LNX2: variants seen among roughly 807,000 people sequenced by gnomAD.
LNX2 encodes the protein ligand of numb-protein X 2.
LNX2 carries 35 observed loss-of-function variants against 66.2 expected under a neutral mutation model. The observed-to-expected ratio is 0.53, with a 90% CI of 0.40 to 0.70. The LOEUF is 0.70. Among genes scored for constraint, LNX2 ranks in the 30% least tolerant of loss-of-function variants. LNX2 has a pLI of 0.00. For missense variants in LNX2, 791 were observed against 850.8 expected, an observed-to-expected ratio of 0.93 and a Z score of 0.87; for synonymous variants, 337 against 315.6, an observed-to-expected ratio of 1.07 and a Z score of -0.72.
chr13:27,583,261 C>CGCGCGCGCGCGCGCGCGCGT lies in LNX2; in HGVS notation c.-100-1459_-100-1458insACGCGCGCGCGCGCGCGCGC, dbSNP rs11281345. ...GTGTGTGTGTGTGTGTGTGTGCGCGCGTCCTCTCCAACATACTTATTTTTA... is the reference window on the plus strand; with the variant it reads ...GTGTGTGTGTGTGTGTGTGTGCGCGCGCGCGCGCGCGCGCGCGCGTGTCCTCTCCAACATACTTATTTTTA... On this transcript the variant is annotated intron_variant, in intron 1 of 9. Transcript: ENST00000316334. Among the ~76,000 whole-genome samples, 95 of 45,480 alleles carry CGCGCGCGCGCGCGCGCGCGT rather than the reference C, an allele frequency of 2.1e-3. 23 individuals are homozygous for CGCGCGCGCGCGCGCGCGCGT. Among genetic ancestry groups the CGCGCGCGCGCGCGCGCGCGT allele is most frequent in the Non-Finnish European group, 3.4e-3 (74 of 22,038 alleles). The allele number at this position is 45,480 out of a possible 152,430, so 29.8% of individuals were successfully genotyped here. A position where few individuals can be genotyped will look rare whatever the true frequency, so the allele number is the denominator to read the frequency against.
Position 27,547,446 on chromosome 13 carries a change from C to G in LNX2, c.*889G>C, listed in dbSNP as rs1201331165. 1 of 152,144 alleles carries G rather than the reference C, an allele frequency of 6.6e-6. No individual in the cohort carries two copies. The highest frequency in any genetic ancestry group is 1.5e-5 in the Non-Finnish European group (1 of 68,014). 9.4% of individuals were successfully genotyped at this position (152,144 alleles called of 1,614,324 possible). On this transcript the variant is annotated 3_prime_UTR_variant, in exon 10 of 10. Coordinates refer to ENST00000316334, the MANE Select transcript of LNX2 (RefSeq NM_153371.4). Reference sequence around the variant, plus strand: ...CTAATAATAGTATATTAAGAAATTTCTTTAGTGTTGTCAGACTTATTTCTT... The same window carrying G: ...CTAATAATAGTATATTAAGAAATTTGTTTAGTGTTGTCAGACTTATTTCTT...
chr13:27,576,322 T>C (rs141724597), intron 2 of LNX2, among the ~76,000 whole-genome samples: 95 of 152,146 alleles, frequency 6.2e-4, no homozygotes, highest in African/African-American at 1.9e-3. Context: ...TTAGACCCAA[T>C]AGACATATGG....
At chr13:27,586,002 TTATATATA>T (rs74967249) in intron 1 of LNX2, among the ~76,000 whole-genome samples, 6 of 130,984 alleles carry the variant, frequency 4.6e-5, no homozygotes, top group Non-Finnish European at 1.0e-4. Context: ...ATATATACAC[TTATATATA>T]TATATATACT....
At chr13:27,568,890 A>T in intron 3 of LNX2, 139 bp downstream of exon 3, 1 of 871,220 alleles carries the variant, frequency 1.1e-6, no homozygotes. Context: ...TATAAATTAT[A>T]TCTCAATGAA....
intron 5 of LNX2, 62 bp from the exon 6 acceptor site, chr13:27,560,047 C>T: frequency 7.1e-7 from 1 of 1,408,182 alleles, no homozygotes; most frequent in South Asian, 1.5e-5. Flanking sequence ...TTAAAGATTA[C>T]ACACAGTGTA....
chr13:27,558,498 C>A (rs1955090547), intron 6 of LNX2, among the ~76,000 whole-genome samples: 1 of 151,990 alleles, frequency 6.6e-6, no homozygotes. Flanking sequence ...TTTTCAAACT[C>A]TCTTAAAACT....
chr13:27,561,033 T>C (rs1236671975), intron 5 of LNX2, among the ~76,000 whole-genome samples: 1 of 152,232 alleles, frequency 6.6e-6, no homozygotes, highest in African/African-American at 2.4e-5. Flanking sequence ...AATAACGCTT[T>C]TACTTATTTT....
chr13:27,550,567 T>C (rs1188915718), intron 8 of LNX2, 76 bp from the exon 9 acceptor site: 3 of 1,038,692 alleles, frequency 2.9e-6, no homozygotes, highest in African/African-American at 1.6e-5. Flanking sequence ...TATAACCCCA[T>C]ACCATGTTAT....
intron 1 of LNX2, among the ~76,000 whole-genome samples, chr13:27,595,333 A>G (rs1163626133): frequency 1.3e-5 from 2 of 152,194 alleles, no homozygotes; most frequent in Admixed American, 1.3e-4. Context: ...AGTGGTTTGC[A>G]ATCACTTGTT....
intron 1 of LNX2, among the ~76,000 whole-genome samples, chr13:27,582,234 G>A (rs1180862748): frequency 6.6e-6 from 1 of 151,936 alleles, no homozygotes; most frequent in Non-Finnish European, 1.5e-5. Flanking sequence ...GGTTTCCATG[G>A]TGGAAAGCCC....
At chr13:27,578,772 G>C (rs762961677) in intron 2 of LNX2, among the ~76,000 whole-genome samples, 1 of 152,210 alleles carries the variant, frequency 6.6e-6, no homozygotes, top group Non-Finnish European at 1.5e-5. Flanking sequence ...CATCTTGGAA[G>C]TAGACTCTCC....
At position 27,560,261 on chromosome 13, in the gene LNX2, G is replaced by C. The variant is rs553018368; in HGVS notation, c.1225-276C>G. ...CAAGGCAAAGTGGTCACACTGCCTG[G>C]GCTCTTATTGCCCCATGATTGGTAA... is the stretch of plus-strand genomic sequence containing the variant. On this transcript the variant is annotated intron_variant, in intron 5 of 9. Coordinates refer to ENST00000316334, the MANE Select transcript of LNX2 (RefSeq NM_153371.4). Among the ~76,000 whole-genome samples the C allele has an allele frequency of 3.3e-5, 5 of 152,146 alleles. No individual in the cohort carries two copies. The South Asian group carries it at 1.0e-3, about 32-fold the overall frequency.
intron 1 of LNX2, among the ~76,000 whole-genome samples, chr13:27,589,974 G>A (rs1010127723): frequency 6.6e-6 from 1 of 152,152 alleles, no homozygotes; most frequent in African/African-American, 2.4e-5. Flanking sequence ...TTTTGAGACG[G>A]AGTCTCGCTC....
intron 5 of LNX2, among the ~76,000 whole-genome samples, chr13:27,561,264 A>G (rs1205601319): frequency 6.6e-6 from 1 of 152,226 alleles, no homozygotes; most frequent in African/African-American, 2.4e-5. Flanking sequence ...ATTGCCTGAA[A>G]TACATATAGT....
chr13:27,586,533 G>A (rs1418776931), intron 1 of LNX2, among the ~76,000 whole-genome samples: 1 of 152,250 alleles, frequency 6.6e-6, no homozygotes, highest in East Asian at 1.9e-4. Flanking sequence ...CCTCCCACAG[G>A]GGAGGAGCTC....
Position 27,560,813 on chromosome 13 carries a change from G to C in LNX2, c.1225-828C>G, listed in dbSNP as rs564236909. On this transcript the variant is annotated intron_variant, in intron 5 of 9. Transcript: ENST00000316334. Reference sequence around the variant, plus strand: ...TGCCCAATTTTACTGTAATTCCTATGGGAAAATATGATAGCCTGCTTTAAA... The same window carrying C: ...TGCCCAATTTTACTGTAATTCCTATCGGAAAATATGATAGCCTGCTTTAAA... Among the ~76,000 whole-genome samples, 27 of 152,002 alleles carry C rather than the reference G, an allele frequency of 1.8e-4. No individual in the cohort carries two copies. The East Asian group carries it at 5.0e-3, about 28-fold the overall frequency.
At chr13:27,550,540 T>C (rs772577404) in intron 8 of LNX2, 49 bp from the exon 9 acceptor site, 3 of 1,459,214 alleles carry the variant, frequency 2.1e-6, no homozygotes, top group South Asian at 1.2e-5. Context: ...GAGGCTTTTA[T>C]AGCCGCTTAT....
intron 1 of LNX2, among the ~76,000 whole-genome samples, chr13:27,604,203 G>A (rs144344600): frequency 0.02 from 3,058 of 152,280 alleles, 50 homozygotes; most frequent in Non-Finnish European, 0.029. Context: ...CCGAGACTGC[G>A]CCACTGCACT....
Position 27,582,564 on chromosome 13 carries a change from A to C in LNX2, c.-100-761T>G, listed in dbSNP as rs6491218. On this transcript the variant is annotated intron_variant, in intron 1 of 9. Transcript: ENST00000316334. Reference sequence around the variant, plus strand: ...CTTCTTTGCTTCTGATTGATTTTACACATTTACAGTACAATATCAAAGATT... The same window carrying C: ...CTTCTTTGCTTCTGATTGATTTTACCCATTTACAGTACAATATCAAAGATT... Among the ~76,000 whole-genome samples the C allele has an allele frequency of 3.3e-5, 5 of 152,088 alleles. No homozygotes were observed. In the East Asian group the frequency reaches 9.7e-4, roughly 29 times the overall value.
Sources: gnomAD v4.1 joint callset for allele counts (sites outside exome capture counted in the v4.1 genomes callset) on GRCh38, gnomAD v4.1.1 for gene constraint, MANE v1.5 for transcripts, NCBI Gene and HGNC (gene_info 2026-07-23, HGNC 2026-07-21) for gene names.